SIRPD: variants seen among roughly 807,000 people sequenced by gnomAD.
SIRPD encodes the protein signal regulatory protein delta, also known as signal-regulatory protein delta.
SIRPD carries 21 observed loss-of-function variants against 18.0 expected under a neutral mutation model. That is an observed-to-expected ratio of 1.17 (90% CI 0.83 to 1.68). The LOEUF is 1.68. Ranked by LOEUF, SIRPD falls within the 40% of genes most tolerant of loss-of-function variation. SIRPD has a pLI of 0.00. For synonymous variants in SIRPD, 106 were observed against 92.9 expected, an observed-to-expected ratio of 1.14 and a Z score of -0.81; for missense variants, 295 against 238.4, an observed-to-expected ratio of 1.24 and a Z score of -1.56.
intron 2 of SIRPD, among the ~76,000 whole-genome samples, chr20:1,542,239 C>T (rs1337731263): frequency 7.9e-5 from 12 of 152,052 alleles, no homozygotes; most frequent in Admixed American, 2.0e-4. Flanking sequence ...GGCAGTGTGG[C>T]CATTTTCACG....
At position 1,534,266 on chromosome 20, in the gene SIRPD, T is replaced by C; in HGVS notation, c.*159A>G. ...GAACCTGGAATTGGACCCAGGTAAATAGACAGATTTATTGTACGATCAAGC... is the reference window on the plus strand; with the variant it reads ...GAACCTGGAATTGGACCCAGGTAAACAGACAGATTTATTGTACGATCAAGC... On this transcript the variant is annotated 3_prime_UTR_variant, in exon 4 of 4. Transcript: ENST00000381623. 9.2e-6 allele frequency: 9 copies of C among 979,528 alleles called. No homozygotes were observed. Among genetic ancestry groups the C allele is most frequent in the Non-Finnish European group, 1.4e-5 (9 of 650,278 alleles). 60.7% of individuals were successfully genotyped at this position (979,528 alleles called of 1,614,324 possible). A position where few individuals can be genotyped will look rare whatever the true frequency, so the allele number is the denominator to read the frequency against.
chr20:1,536,242 T>G (rs898835042), intron 3 of SIRPD, among the ~76,000 whole-genome samples: 3 of 152,204 alleles, frequency 2.0e-5, no homozygotes, highest in Non-Finnish European at 4.4e-5. Flanking sequence ...TTAACTATAT[T>G]AATTAACTAG....
chr20:1,549,396 A>G (rs1446847746), intron 2 of SIRPD, among the ~76,000 whole-genome samples: 1 of 149,582 alleles, frequency 6.7e-6, no homozygotes, highest in Admixed American at 6.7e-5. Context: ...TGTTTTTGGT[A>G]TACTTGTCAT....
In SIRPD at chr20:1,537,247, T is replaced by A. The variant is rs1348469783; in HGVS notation, c.485A>T (p.Asp162Val). 1 of 1,614,126 alleles carries A rather than the reference T, an allele frequency of 6.2e-7. No homozygotes were observed. Among genetic ancestry groups the A allele is most frequent in the Non-Finnish European group, 8.5e-7 (1 of 1,180,012 alleles). ...AGRAGSRAHH[D>V]AHTCLSALPE... Reference sequence around the variant, plus strand: ...CAGGGCCGAGAGGCAGGTATGGGCATCATGGTGGGCCCTGGAGCCTGCTCT... The same window carrying A: ...CAGGGCCGAGAGGCAGGTATGGGCAACATGGTGGGCCCTGGAGCCTGCTCT... Residue 162 changes from aspartate (D) to valine (V), a missense_variant, in exon 3 of 4, where the codon GAT (aspartate) becomes GTT (valine). Asp to Val is a radical substitution (Grantham distance 152). Coordinates refer to ENST00000381623, the MANE Select transcript of SIRPD (RefSeq NM_178460.3).
intron 2 of SIRPD, among the ~76,000 whole-genome samples, chr20:1,550,779 T>C (rs1177250734): frequency 6.6e-6 from 1 of 152,234 alleles, no homozygotes; most frequent in Non-Finnish European, 1.5e-5. Context: ...TGAGTTAGGT[T>C]CCTCATCTGT....
intron 3 of SIRPD, among the ~76,000 whole-genome samples, chr20:1,536,817 C>T (rs903151676): frequency 6.6e-6 from 1 of 152,130 alleles, no homozygotes; most frequent in African/African-American, 2.4e-5. Context: ...AGGATGGCAT[C>T]AGGTCCTGCA....
At chr20:1,542,185 A>G (rs776131908) in intron 2 of SIRPD, among the ~76,000 whole-genome samples, 3 of 152,110 alleles carry the variant, frequency 2.0e-5, no homozygotes, top group Admixed American at 6.6e-5. Flanking sequence ...AAAAAAGTCA[A>G]TGGTAGCTCG....
rs1445756644 is a variant in SIRPD at position 1,551,764 on chromosome 20, G to A, written c.348C>T (p.Tyr116=). 1 of 1,614,106 alleles carries A rather than the reference G, an allele frequency of 6.2e-7. No individual in the cohort carries two copies. The highest frequency in any genetic ancestry group is 8.5e-7 in the Non-Finnish European group (1 of 1,179,974). Residue 116 remains tyrosine (Y), a synonymous_variant, in exon 2 of 4, where the codon TAC becomes TAT. Transcript: ENST00000381623. ...CTCTTCCTTTTATGAACTTCACGCA[G>A]TAATAGGTGCCAGCATCAGCAAGAG... ...EISLADAGTY[Y]CVKFIKGRAI...
At chr20:1,545,213 C>A (rs760714504) in intron 2 of SIRPD, among the ~76,000 whole-genome samples, 4 of 152,142 alleles carry the variant, frequency 2.6e-5, no homozygotes, top group Non-Finnish European at 4.4e-5. Flanking sequence ...GTGTGTTTTC[C>A]AACTTGGTTC....
At chr20:1,539,398 A>G (rs1462596041) in intron 2 of SIRPD, among the ~76,000 whole-genome samples, 1 of 152,224 alleles carries the variant, frequency 6.6e-6, no homozygotes, top group African/African-American at 2.4e-5. Context: ...GACCAAGCTT[A>G]TGATTAATTT....
Position 1,557,529 on chromosome 20 carries a change from A to G in SIRPD, c.73+52T>C, listed in dbSNP as rs1235371813. ...GGGAACAGGTGAGGGAGAGTTCACT[A>G]AACAGGCAGAGGGGAGAACCCACCA... On this transcript the variant is annotated intron_variant, in intron 1 of 3. Transcript: ENST00000381623. 8 of 1,406,748 alleles carry G rather than the reference A, an allele frequency of 5.7e-6. No homozygotes were observed. In the African/African-American group the frequency reaches 1.2e-4, roughly 21 times the overall value. 87.1% of individuals were successfully genotyped at this position (1,406,748 alleles called of 1,614,324 possible).
intron 2 of SIRPD, among the ~76,000 whole-genome samples, chr20:1,545,664 G>A (rs572677214): frequency 1.3e-5 from 2 of 152,322 alleles, no homozygotes; most frequent in Admixed American, 1.3e-4. Flanking sequence ...CCTTGCTGGC[G>A]AGGAGATGTC....
In SIRPD at chr20:1,551,950, G is replaced by T; in HGVS notation, c.162C>A (p.Pro54=). Residue 54 remains proline, a synonymous_variant, in exon 2 of 4, where the codon CCC becomes CCA. Coordinates refer to ENST00000381623, the MANE Select transcript of SIRPD (RefSeq NM_178460.3). ...GESIILSCSV[P]NTLPNGPVLW... The stretch of plus-strand genomic sequence containing the variant: ...AGACAGGTCCATTTGGTAAGGTATT[G>T]GGTACGCTGCAACTCAAGATGATTG... 1.2e-6 allele frequency: 2 copies of T among 1,613,992 alleles called. No individual in the cohort carries two copies. Among genetic ancestry groups the T allele is most frequent in the Non-Finnish European group, 1.7e-6 (2 of 1,179,948 alleles).
At chr20:1,542,438 T>C (rs930219805) in intron 2 of SIRPD, among the ~76,000 whole-genome samples, 3 of 152,186 alleles carry the variant, frequency 2.0e-5, no homozygotes. Context: ...GGCTTTCTGA[T>C]TGTCGATTAT....
At chr20:1,544,351 T>C (rs2090984350) in intron 2 of SIRPD, among the ~76,000 whole-genome samples, 1 of 152,142 alleles carries the variant, frequency 6.6e-6, no homozygotes, top group South Asian at 2.1e-4. Context: ...ATTGATGCCT[T>C]TACCATTATG....
chr20:1,534,258 C>A lies in SIRPD; in HGVS notation c.*167G>T. 2.2e-6 allele frequency: 2 copies of A among 900,606 alleles called. No homozygotes were observed. The highest frequency in any genetic ancestry group is 2.5e-5 in the East Asian group (1 of 39,790). The allele number at this position is 900,606 out of a possible 1,614,324, so 55.8% of individuals were successfully genotyped here. On this transcript the variant is annotated 3_prime_UTR_variant, in exon 4 of 4. Coordinates refer to ENST00000381623, the MANE Select transcript of SIRPD (RefSeq NM_178460.3). ...AGAAGAGAGAACCTGGAATTGGACC[C>A]AGGTAAATAGACAGATTTATTGTAC...
At chr20:1,552,341 A>C (rs1270357730) in intron 1 of SIRPD, among the ~76,000 whole-genome samples, 1 of 152,096 alleles carries the variant, frequency 6.6e-6, no homozygotes, top group African/African-American at 2.4e-5. Flanking sequence ...GAGAAAGACT[A>C]GTTTCCCTAT....
rs998322464 is a variant in SIRPD at position 1,534,272 on chromosome 20, G to A, written c.*153C>T. The A allele has an allele frequency of 9.6e-7, 1 of 1,046,690 alleles. No individual in the cohort carries two copies. Among genetic ancestry groups the A allele is most frequent in the Non-Finnish European group, 1.4e-6 (1 of 703,802 alleles). The allele number at this position is 1,046,690 out of a possible 1,614,324, so 64.8% of individuals were successfully genotyped here. On this transcript the variant is annotated 3_prime_UTR_variant, in exon 4 of 4. Transcript: ENST00000381623. ...GGAATTGGACCCAGGTAAATAGACA[G>A]ATTTATTGTACGATCAAGCTGGCAT...
Position 1,534,415 on chromosome 20 carries a change from C to A in SIRPD, c.*10G>T, listed in dbSNP as rs2090936705. ...TTGTTATTTACTTGTACGTTCCTTC[C>A]CTGTTTGGATTATTTTGACAGCAAG... On this transcript the variant is annotated 3_prime_UTR_variant, in exon 4 of 4. Coordinates refer to ENST00000381623, the MANE Select transcript of SIRPD (RefSeq NM_178460.3). 6.2e-7 allele frequency: 1 copy of A among 1,612,288 alleles called. No homozygotes were observed. Among genetic ancestry groups the A allele is most frequent in the East Asian group, 2.2e-5 (1 of 44,870 alleles).
Sources: gnomAD v4.1 joint callset for allele counts (sites outside exome capture counted in the v4.1 genomes callset) on GRCh38, gnomAD v4.1.1 for gene constraint, MANE v1.5 for transcripts, NCBI Gene and HGNC (gene_info 2026-07-23, HGNC 2026-07-21) for gene names.